Variants in DDO observed in about 807,000 individuals in gnomAD.
DDO encodes the protein D-aspartate oxidase, DDO.
A neutral mutation model predicts 16.8 loss-of-function variants in DDO; 16 were observed. The observed-to-expected ratio is 0.95, with a 90% CI of 0.65 to 1.45. The LOEUF (loss-of-function observed/expected upper bound fraction) is 1.45. DDO is among the 40% of genes most tolerant of loss of function. The pLI is 0.00. For missense variants in DDO, 429 were observed against 420.3 expected (o/e 1.02, Z -0.18); for synonymous variants, 180 against 167.2 (o/e 1.08, Z -0.59).
chr6:110,397,909 G>A (rs1773339542), intron 4 of DDO, among the ~76,000 whole-genome samples: 2 of 152,198 alleles, frequency 1.3e-5, no homozygotes. Flanking sequence ...GTGCATAGGA[G>A]GAAACTGTAC....
rs1189354583 is a variant in DDO, at chr6:110,393,038, G to T, written c.763C>A (p.Leu255Ile). 3 of 1,612,024 alleles carry T rather than the reference G, an allele frequency of 1.9e-6. No homozygotes were observed. The highest frequency in any genetic ancestry group is 2.2e-5 in the East Asian group (1 of 44,826). ...GGCTCCAGAGCACAGCATCGGGAAA[G>T]AATCTCTCTGCTATTTTCTGCATCC... is the stretch of plus-strand genomic sequence containing the variant. The part of the protein sequence containing the change: ...SPDAENSREI[L>I]SRCCALEPSL... The change falls in exon 5 of 5, where the codon CTT becomes ATT. Residue 255 changes from leucine to isoleucine, a missense_variant. By Grantham distance (5) the Leu-to-Ile change is conservative (BLOSUM62 2). Transcript: ENST00000368924.
chr6:110,398,216 G>A (rs1433968223), intron 4 of DDO, among the ~76,000 whole-genome samples: 1 of 152,088 alleles, frequency 6.6e-6, no homozygotes, highest in East Asian at 1.9e-4. Context: ...ATTTCCCCAA[G>A]CTTAAGTTAG....
At position 110,392,963 on chromosome 6, in the gene DDO, A is replaced by G; in HGVS notation, c.838T>C (p.Tyr280His). Reference protein sequence around the residue: ...NIREKVGLRPYRPGVRLQTEL... With the variant: ...NIREKVGLRPHRPGVRLQTEL... Reference sequence around the variant, plus strand: ...GTCTGCAGTCGCACGCCTGGCCTGTAGGGCCTCAAGCCCACCTTCTCCCTG... The same window carrying G: ...GTCTGCAGTCGCACGCCTGGCCTGTGGGGCCTCAAGCCCACCTTCTCCCTG... Residue 280 changes from tyrosine to histidine, a missense_variant, in exon 5 of 5, where the codon TAC becomes CAC. Transcript: ENST00000368924. 1 of 1,613,916 alleles carries G rather than the reference A, an allele frequency of 6.2e-7. No individual in the cohort carries two copies. Among genetic ancestry groups the G allele is most frequent in the Non-Finnish European group, 8.5e-7 (1 of 1,179,780 alleles).
chr6:110,403,050 A>G (rs1197775139), intron 4 of DDO, among the ~76,000 whole-genome samples: 1 of 152,182 alleles, frequency 6.6e-6, no homozygotes, highest in Non-Finnish European at 1.5e-5. Context: ...AATACCAAAA[A>G]AAGTTAAACT....
At chr6:110,413,487 G>C in intron 1 of DDO, 21 bp from the exon 2 acceptor site, 1 of 1,602,746 alleles carries the variant, frequency 6.2e-7, no homozygotes, top group East Asian at 2.2e-5. Flanking sequence ...GGAAATGGGA[G>C]CTATACCCCT....
downstream of DDO, among the ~76,000 whole-genome samples, chr6:110,390,695 C>T (rs754359641): frequency 3.9e-5 from 6 of 152,266 alleles, no homozygotes; most frequent in East Asian, 3.9e-4. Flanking sequence ...AAAGCTGCTT[C>T]GAAATGACTG....
In DDO at chr6:110,415,422, G is replaced by A. The variant is rs763044209; in HGVS notation, c.-5+45C>T. 20 of 1,610,766 alleles carry A rather than the reference G, an allele frequency of 1.2e-5. 1 individual carries two copies. In the South Asian group the frequency reaches 2.1e-4, roughly 17 times the overall value. On this transcript the variant is annotated intron_variant, in intron 1 of 4. Transcript: ENST00000368924. ...TCAGACACACTCCCAAACTCCCAGA[G>A]CATGGACGGAACGACCCCTCAGCTG...
At chr6:110,394,210 T>A (rs1340255807) in intron 4 of DDO, among the ~76,000 whole-genome samples, 2 of 152,066 alleles carry the variant, frequency 1.3e-5, no homozygotes, top group African/African-American at 4.8e-5. Context: ...GCTTAAGTGA[T>A]CCTCCCACCT....
At position 110,415,493 on chromosome 6, in the gene DDO, G is replaced by A. The variant is rs184476725; in HGVS notation, c.-31C>T. 1.2e-6 allele frequency: 2 copies of A among 1,614,234 alleles called. No individual in the cohort carries two copies. The highest frequency in any genetic ancestry group is 1.7e-6 in the Non-Finnish European group (2 of 1,180,040). On this transcript the variant is annotated 5_prime_UTR_variant, in exon 1 of 5. Coordinates refer to ENST00000368924, the MANE Select transcript of DDO (RefSeq NM_001372108.2). ...TGTCTCTGAAAAAGCAGTCTTGGAA[G>A]CCACCAAAATCTCTGGCACCAAACC...
chr6:110,411,915 G>A (rs1437296671), intron 2 of DDO, among the ~76,000 whole-genome samples: 1 of 152,044 alleles, frequency 6.6e-6, no homozygotes. Context: ...CCCATTTCAA[G>A]TGGAAAATAC....
chr6:110,390,308 C>T (rs1183286022), downstream of DDO, among the ~76,000 whole-genome samples: 1 of 152,228 alleles, frequency 6.6e-6, no homozygotes, highest in Non-Finnish European at 1.5e-5. Context: ...ACTGATGCAG[C>T]AGCTCCGCCC....
chr6:110,393,334 C>T lies in DDO; in HGVS notation c.467G>A (p.Gly156Glu). ...CCGAGTGAGTGTCCAGCCTCCACTT[C>T]CCTTTATCCTACGGAAGAGAGGCCA... ...YLPWLEKRIKGSGGWTLTRRI... is the reference protein window; with the variant it reads ...YLPWLEKRIKESGGWTLTRRI... Residue 156 changes from glycine (G) to glutamate (E), a missense_variant, in exon 5 of 5, where the codon GGA (glycine) becomes GAA (glutamate). By Grantham distance (98) the Gly-to-Glu change is moderately conservative. Coordinates refer to ENST00000368924, the MANE Select transcript of DDO (RefSeq NM_001372108.2). 1.3e-6 allele frequency: 2 copies of T among 1,596,532 alleles called. No individual in the cohort carries two copies. Among genetic ancestry groups the T allele is most frequent in the Non-Finnish European group, 1.7e-6 (2 of 1,168,244 alleles).
chr6:110,400,343 C>CGGGGGGGG (rs554097882), intron 4 of DDO, among the ~76,000 whole-genome samples: 10 of 126,280 alleles, frequency 7.9e-5, no homozygotes, highest in South Asian at 2.7e-4. Context: ...AGGAGCGGGC[C>CGGGGGGGG]GGGGCGGGGA....
Position 110,413,297 on chromosome 6 carries a change from A to G in DDO, c.166T>C (p.Tyr56His). 1.9e-6 allele frequency: 3 copies of G among 1,614,080 alleles called. No individual in the cohort carries two copies. Among genetic ancestry groups the G allele is most frequent in the Non-Finnish European group, 1.7e-6 (2 of 1,179,946 alleles). Residue 56 changes from tyrosine to histidine, a missense_variant, in exon 2 of 5, where the codon TAT (tyrosine) becomes CAT (histidine). By Grantham distance (83) the Tyr-to-His change is moderately conservative. Coordinates refer to ENST00000368924, the MANE Select transcript of DDO (RefSeq NM_001372108.2). ...VAAGMLIPHT[Y>H]PDTPIHTQKQ... is the part of the protein sequence containing the mutation. ...AGGAGCTGAAATCTCTCACCTGGAT[A>G]AGTGTGAGGAATAAGCATTCCGGCT...
Position 110,408,451 on chromosome 6 carries a change from A to G in DDO, c.173-9T>C. 1 of 1,612,562 alleles carries G rather than the reference A, an allele frequency of 6.2e-7. No homozygotes were observed. Among genetic ancestry groups the G allele is most frequent in the South Asian group, 1.1e-5 (1 of 90,694 alleles). On this transcript the variant is annotated splice_polypyrimidine_tract_variant and intron_variant, in intron 2 of 4. Coordinates refer to ENST00000368924, the MANE Select transcript of DDO (RefSeq NM_001372108.2). Reference sequence around the variant, plus strand: ...CGTGTGAATGGGTGTATCTGTAATCATGGAGAAAAGCAAAGTGGAACAGAA... The same window carrying G: ...CGTGTGAATGGGTGTATCTGTAATCGTGGAGAAAAGCAAAGTGGAACAGAA...
At position 110,404,967 on chromosome 6, in the gene DDO, GA is replaced by G; in HGVS notation, c.282-18del. 1 of 1,607,702 alleles carries G rather than the reference GA, an allele frequency of 6.2e-7. No homozygotes were observed. The stretch of plus-strand genomic sequence containing the variant: ...ATCTGCCAACTCAAACGTATTAAGT[GA>G]ACATTTTTTCCTGAAATTTGTGAAA... On this transcript the variant is annotated intron_variant, in intron 3 of 4. Transcript: ENST00000368924.
chr6:110,398,229 C>T (rs1459469512), intron 4 of DDO, among the ~76,000 whole-genome samples: 1 of 152,112 alleles, frequency 6.6e-6, no homozygotes, highest in African/African-American at 2.4e-5. Context: ...TAAGTTAGCC[C>T]TCTGCTGGAC....
At chr6:110,410,413 T>C (rs1047601112) in intron 2 of DDO, among the ~76,000 whole-genome samples, 2 of 152,190 alleles carry the variant, frequency 1.3e-5, no homozygotes, top group African/African-American at 4.8e-5. Context: ...AGAAAAGCAC[T>C]TAGTGTAAGC....
intron 2 of DDO, among the ~76,000 whole-genome samples, chr6:110,410,335 G>C (rs761995337): frequency 6.6e-6 from 1 of 152,232 alleles, no homozygotes; most frequent in Non-Finnish European, 1.5e-5. Flanking sequence ...GCAGCCTTCT[G>C]AACACTCACT....
Sources: gnomAD v4.1 joint callset for allele counts (sites outside exome capture counted in the v4.1 genomes callset) on GRCh38, gnomAD v4.1.1 for gene constraint, MANE v1.5 for transcripts, NCBI Gene and HGNC (gene_info 2026-07-23, HGNC 2026-07-21) for gene names.